RASSF5: variants seen among roughly 807,000 people sequenced by gnomAD.
The protein encoded by RASSF5 is Ras association domain family member 5, also known as ras association domain-containing protein 5.
A neutral mutation model predicts 40.5 loss-of-function variants in RASSF5; 25 were observed. The ratio of observed to expected loss-of-function variants is 0.62; its 90% CI spans 0.45 to 0.86. The LOEUF is 0.86. RASSF5 is among the 40% of genes least tolerant of loss of function. The pLI, the probability that RASSF5 is intolerant of heterozygous loss-of-function variation, is 0.00. For missense variants in RASSF5, 521 were observed against 572.8 expected, an observed-to-expected ratio of 0.91 and a Z score of 0.92; for synonymous variants, 246 against 252.4, an observed-to-expected ratio of 0.97 and a Z score of 0.24.
chr1:206,518,062 A>G (rs1216737405), intron 1 of RASSF5, among the ~76,000 whole-genome samples: 4 of 152,144 alleles, frequency 2.6e-5, no homozygotes, highest in African/African-American at 9.7e-5. Flanking sequence ...GAAACTTTGG[A>G]GACATTGATT....
chr1:206,537,129 A>G (rs1301905035), intron 1 of RASSF5, among the ~76,000 whole-genome samples: 1 of 152,144 alleles, frequency 6.6e-6, no homozygotes, highest in Non-Finnish European at 1.5e-5. Context: ...AAAGCTGGAA[A>G]ATACTAGCAG....
chr1:206,523,437 T>A lies in RASSF5; in HGVS notation c.458-14735T>A, dbSNP rs1467350952. Among the ~76,000 whole-genome samples, 20 of 117,656 alleles carry A rather than the reference T, an allele frequency of 1.7e-4. No individual in the cohort carries two copies. In the East Asian group the frequency reaches 2.3e-3, roughly 13 times the overall value. The allele number at this position is 117,656 out of a possible 152,430, so 77.2% of individuals were successfully genotyped here. The stretch of plus-strand genomic sequence containing the variant: ...TATATTATATATTATATAATATATT[T>A]TATATATAATATATAATATATTAAA... On this transcript the variant is annotated intron_variant, in intron 1 of 5. Transcript: ENST00000579436.
chr1:206,555,371 T>A (rs536461998), intron 2 of RASSF5, among the ~76,000 whole-genome samples: 1 of 152,260 alleles, frequency 6.6e-6, no homozygotes, highest in East Asian at 1.9e-4. Context: ...GGGCCTGTTT[T>A]TTTTTTCTTA....
chr1:206,524,581 A>T (rs932908567), intron 1 of RASSF5, among the ~76,000 whole-genome samples: 15 of 136,986 alleles, frequency 1.1e-4, no homozygotes, highest in South Asian at 2.1e-4. Flanking sequence ...TAATATATAA[A>T]ATATATATTA....
chr1:206,522,161 A>G (rs1666923842), intron 1 of RASSF5, among the ~76,000 whole-genome samples: 1 of 151,994 alleles, frequency 6.6e-6, no homozygotes, highest in Non-Finnish European at 1.5e-5. Context: ...CCTGTCACAC[A>G]CAGTCTTGGT....
At chr1:206,558,872 C>T (rs2103540186) in intron 2 of RASSF5, among the ~76,000 whole-genome samples, 1 of 152,248 alleles carries the variant, frequency 6.6e-6, no homozygotes, top group South Asian at 2.1e-4. Flanking sequence ...GACAGGCGTC[C>T]CTTTCCCTGG....
At chr1:206,578,233 A>AGT (rs58059864) in intron 2 of RASSF5, among the ~76,000 whole-genome samples, 6,455 of 117,482 alleles carry the variant, frequency 0.055, 330 homozygotes, top group African/African-American at 0.16. Flanking sequence ...AAAAAAAAAA[A>AGT]GTGTGTGTGT....
At chr1:206,517,926 CCA>C (rs1214975014) in intron 1 of RASSF5, among the ~76,000 whole-genome samples, 2 of 151,812 alleles carry the variant, frequency 1.3e-5, no homozygotes, top group Non-Finnish European at 2.9e-5. Flanking sequence ...TGAATTAGCC[CCA>C]GTTTGTCCCT....
chr1:206,530,146 A>G (rs1363279862), intron 1 of RASSF5, among the ~76,000 whole-genome samples: 1 of 151,322 alleles, frequency 6.6e-6, no homozygotes, highest in Non-Finnish European at 1.5e-5. Flanking sequence ...AATTTAAACA[A>G]TTTAGTAACT....
Position 206,586,841 on chromosome 1 carries a change from A to G in RASSF5, c.1120A>G (p.Ile374Val), listed in dbSNP as rs781884773. The change falls in exon 6 of 6, where the codon ATC becomes GTC. Residue 374 changes from isoleucine to valine, a missense_variant. This residue lies in a region of RASSF5 where 284 missense variants were observed against 360.8 expected (regional missense o/e 0.79). Transcript: ENST00000579436. ...CGCCTCACAGTGGGATGCCTTCTCC[A>G]TCCCTGAACTTCAGAACTTCCTAAC... The part of the protein sequence containing the change: ...TGEVEWDAFS[I>V]PELQNFLTIL... 3.7e-6 allele frequency: 6 copies of G among 1,613,918 alleles called. No homozygotes were observed. The highest frequency in any genetic ancestry group is 5.1e-6 in the Non-Finnish European group (6 of 1,179,908).
Position 206,584,614 on chromosome 1 carries a change from C to A in RASSF5, c.918C>A (p.Leu306=), listed in dbSNP as rs1553407162. The change falls in exon 4 of 6, where the codon CTC becomes CTA. Residue 306 remains leucine, a synonymous_variant. Coordinates refer to ENST00000579436, the MANE Select transcript of RASSF5 (RefSeq NM_182663.4). The surrounding 1 kb of genome is among the most constrained non-coding windows in gnomAD (Gnocchi z 4.9). ...TCAGTGAGGTCATCCAGGGGCTGCT[C>A]AAGAAGTTCATGGTTGTGGACAATC... ...TTVSEVIQGL[L]KKFMVVDNPQ... 3 of 1,614,202 alleles carry A rather than the reference C, an allele frequency of 1.9e-6. No homozygotes were observed. The highest frequency in any genetic ancestry group is 1.6e-4 in the Middle Eastern group (1 of 6,062).
At chr1:206,549,826 C>T (rs2103532530) in intron 2 of RASSF5, among the ~76,000 whole-genome samples, 1 of 152,298 alleles carries the variant, frequency 6.6e-6, no homozygotes, top group African/African-American at 2.4e-5. Context: ...CTTGTAGGAA[C>T]AGGCACTATT....
chr1:206,588,619 G>A lies in RASSF5; in HGVS notation c.*1641G>A, dbSNP rs1363647109. ...AAGTTCCCTCTCTGACCCAGGCTGA[G>A]TCCATACTGCCCCTGATCCCAGAAG... is the stretch of plus-strand genomic sequence containing the variant. On this transcript the variant is annotated 3_prime_UTR_variant, in exon 6 of 6. Coordinates refer to ENST00000579436, the MANE Select transcript of RASSF5 (RefSeq NM_182663.4). The A allele has an allele frequency of 6.6e-6, 1 of 152,418 alleles. No homozygotes were observed. Among genetic ancestry groups the A allele is most frequent in the Non-Finnish European group, 1.5e-5 (1 of 68,114 alleles). 9.4% of individuals were successfully genotyped at this position (152,418 alleles called of 1,614,324 possible). A position where few individuals can be genotyped will look rare whatever the true frequency, so the allele number is the denominator to read the frequency against.
chr1:206,510,416 A>T (rs1666586234), intron 1 of RASSF5, among the ~76,000 whole-genome samples: 1 of 152,170 alleles, frequency 6.6e-6, no homozygotes, highest in African/African-American at 2.4e-5. Context: ...CTACTTCATC[A>T]TGTTAATCTG....
chr1:206,544,575 G>C (rs1389597934), intron 2 of RASSF5: 2 of 152,236 alleles, frequency 1.3e-5, no homozygotes, highest in Non-Finnish European at 2.9e-5. Context: ...GAGGCCCCAA[G>C]TCACTATTCC....
intron 2 of RASSF5, among the ~76,000 whole-genome samples, chr1:206,558,288 C>T (rs77197013): frequency 0.059 from 9,027 of 152,080 alleles, 312 homozygotes; most frequent in African/African-American, 0.086. Flanking sequence ...AAGGGGCTTG[C>T]GTGTGTTTCC....
intron 2 of RASSF5, among the ~76,000 whole-genome samples, chr1:206,556,459 A>G (rs1553401768): frequency 2.6e-5 from 4 of 152,184 alleles, no homozygotes; most frequent in African/African-American, 9.7e-5. Context: ...ATTCAGCCCT[A>G]TGTGTTCCTT....
intron 1 of RASSF5, among the ~76,000 whole-genome samples, chr1:206,537,023 C>A (rs1290168482): frequency 3.3e-5 from 5 of 152,144 alleles, no homozygotes; most frequent in Non-Finnish European, 7.4e-5. Flanking sequence ...CTACCCCCCA[C>A]CCCCGCTCCC....
At chr1:206,562,873 G>T (rs1668182792) in intron 2 of RASSF5, among the ~76,000 whole-genome samples, 1 of 151,852 alleles carries the variant, frequency 6.6e-6, no homozygotes, top group Admixed American at 6.6e-5. Context: ...AGTAAGCCAA[G>T]ATCGTGCCAC....
Sources: allele counts gnomAD v4.1 joint callset (sites outside exome capture counted in the v4.1 genomes callset), GRCh38; gene constraint gnomAD v4.1.1; regional missense constraint gnomAD v4.1.1; non-coding constraint Gnocchi (gnomAD v3.1); transcripts MANE v1.5; gene names NCBI Gene and HGNC (gene_info 2026-07-23, HGNC 2026-07-21).